The following SHKBP1 variants were observed in gnomAD, a reference collection of about 807,000 sequenced individuals.
The protein encoded by SHKBP1 is SH3KBP1-binding protein 1.
In SHKBP1, 71 loss-of-function variants were observed where a neutral mutation model predicts 83.9. The ratio of observed to expected loss-of-function variants is 0.85; its 90% CI spans 0.70 to 1.03. SHKBP1 has a LOEUF of 1.03. Ranked by LOEUF, SHKBP1 falls within the 50% of genes least tolerant of loss-of-function variation. The probability of loss-of-function intolerance (pLI) is 0.00; values close to 1 mark genes in which losing one functional copy is unlikely to be tolerated. For missense variants in SHKBP1, 824 were observed against 982.4 expected (o/e 0.84, Z 2.16); for synonymous variants, 371 against 398.0 (o/e 0.93, Z 0.81).
At chr19:40,579,341 A>C (rs1229250709) in intron 6 of SHKBP1, among the ~76,000 whole-genome samples, 1 of 152,194 alleles carries the variant, frequency 6.6e-6, no homozygotes, top group African/African-American at 2.4e-5. Flanking sequence ...CAAAGTAAAC[A>C]TGAAAATAAA....
intron 10 of SHKBP1, among the ~76,000 whole-genome samples, chr19:40,582,748 A>G (rs879390759): frequency 6.6e-6 from 1 of 151,796 alleles, no homozygotes; most frequent in African/African-American, 2.4e-5. Flanking sequence ...GTTAGGGGGG[A>G]TGCTGTAGAA....
intron 13 of SHKBP1, among the ~76,000 whole-genome samples, chr19:40,588,393 G>C (rs529395041): frequency 6.6e-6 from 1 of 152,204 alleles, no homozygotes; most frequent in Non-Finnish European, 1.5e-5. Flanking sequence ...GACCAGGACC[G>C]GTGTGGGGCA....
chr19:40,588,805 AC>A, intron 14 of SHKBP1, 26 bp downstream of exon 14: 1 of 1,607,718 alleles, frequency 6.2e-7, no homozygotes. Context: ...TGGCCTTCCC[AC>A]CCCACTGACC....
intron 9 of SHKBP1, among the ~76,000 whole-genome samples, chr19:40,581,484 C>A (rs897611340): frequency 4.0e-5 from 6 of 150,024 alleles, no homozygotes; most frequent in Admixed American, 1.3e-4. Context: ...CACTGCATTC[C>A]AGCCTGAGCG....
At chr19:40,578,309 G>A in intron 5 of SHKBP1, 97 bp downstream of exon 5, 2 of 1,480,154 alleles carry the variant, frequency 1.4e-6, no homozygotes, top group Non-Finnish European at 1.9e-6. Context: ...AAGAGGGCTG[G>A]GGTAGAGGTG....
chr19:40,582,609 T>A (rs550673691), intron 10 of SHKBP1, 143 bp downstream of exon 10: 1 of 669,500 alleles, frequency 1.5e-6, no homozygotes, highest in African/African-American at 1.8e-5. Flanking sequence ...AGCCTGGGGA[T>A]GTCTGTGATA....
At chr19:40,586,989 ATGGGAGTGTG>A in intron 13 of SHKBP1, 45 bp downstream of exon 13, 1 of 1,523,688 alleles carries the variant, frequency 6.6e-7, no homozygotes, top group Non-Finnish European at 8.9e-7. Context: ...GACAGCTCAG[ATGGGAGTGTG>A]GAGACAGGAG....
chr19:40,589,273 G>A, intron 15 of SHKBP1, 95 bp downstream of exon 15: 1 of 1,244,680 alleles, frequency 8.0e-7, no homozygotes, highest in Non-Finnish European at 1.1e-6. Flanking sequence ...AGATCACTGA[G>A]GCCAGAAAGG....
chr19:40,583,278 C>T (rs769490527), intron 10 of SHKBP1, 120 bp from the exon 11 acceptor site: 9 of 744,206 alleles, frequency 1.2e-5, no homozygotes, highest in Admixed American at 2.7e-5. Context: ...GTGGACGGGG[C>T]TGGGGAGCAG....
At position 40,590,664 on chromosome 19, in the gene SHKBP1, A is replaced by G. The variant is rs953585588; in HGVS notation, c.1769-66A>G. ...CCTGACCCTCGGTGCTTGCACTGCA[A>G]TGCAACCCAGGCCCTTGCCCTATGA... On this transcript the variant is annotated intron_variant, in intron 16 of 17. Transcript: ENST00000291842. The surrounding 1 kb of genome is among the most constrained non-coding windows in gnomAD (Gnocchi z 4.6). 1.1e-5 allele frequency: 17 copies of G among 1,509,134 alleles called. No homozygotes were observed. The highest frequency in any genetic ancestry group is 2.8e-5 in the African/African-American group (2 of 71,688). The allele number at this position is 1,509,134 out of a possible 1,614,324, so 93.5% of individuals were successfully genotyped here.
chr19:40,590,283 A>G lies in SHKBP1; in HGVS notation c.1629A>G (p.Thr543=), dbSNP rs396118. 0.51 allele frequency: 814,943 copies of G among 1,604,398 alleles called. 211,162 individuals carry two copies. The highest frequency in any genetic ancestry group is 0.79 in the African/African-American group (58,721 of 74,666). ...SVRSVDGSPT[T]AFTVLECEGS... is the part of the protein sequence containing the mutation. ...GCTCCGTGGACGGCTCACCCACGAC[A>G]GCCTTCACAGTGCTGGAGTGCGAGG... Residue 543 remains threonine (T), a synonymous_variant, in exon 16 of 18, where the codon ACA becomes ACG. Transcript: ENST00000291842. This position sits in a 1 kb window ranked among gnomAD's most constrained non-coding sequence, Gnocchi z 4.6.
At chr19:40,580,147 A>C (rs2081255635) in intron 6 of SHKBP1, 177 bp from the exon 7 acceptor site, 1 of 665,654 alleles carries the variant, frequency 1.5e-6, no homozygotes, top group African/African-American at 1.8e-5. Flanking sequence ...CTGAAAGGGA[A>C]GTAACTTGCT....
chr19:40,581,537 A>C (rs201658614), intron 9 of SHKBP1, among the ~76,000 whole-genome samples: 26 of 150,380 alleles, frequency 1.7e-4, no homozygotes, highest in African/African-American at 2.2e-4. Flanking sequence ...AAAAAAAAAA[A>C]AACAAAAAAA....
rs751960106 is a variant in SHKBP1, at chr19:40,577,435, C to T, written c.180C>T (p.Thr60=). Residue 60 remains threonine (T), a synonymous_variant, in exon 3 of 18, where the codon ACC becomes ACT. Coordinates refer to ENST00000291842, the MANE Select transcript of SHKBP1 (RefSeq NM_138392.4). ...GCATCTCGACGCTGAAAGATGAGAC[C>T]GGAGCAGTGAGTCGGACAAGAACTG... ...SGRISTLKDE[T]GAIFIDRDPT... is the part of the protein sequence containing the mutation. 1.4e-5 allele frequency: 22 copies of T among 1,610,298 alleles called. No homozygotes were observed. The African/African-American group carries it at 1.9e-4, about 14-fold the overall frequency.
intron 9 of SHKBP1, among the ~76,000 whole-genome samples, chr19:40,581,978 T>A (rs2145982785): frequency 6.6e-6 from 1 of 151,754 alleles, no homozygotes; most frequent in Non-Finnish European, 1.5e-5. Flanking sequence ...TGGAGTACAG[T>A]GGTATGATCT....
Position 40,580,856 on chromosome 19 carries a change from A to G in SHKBP1, c.764A>G (p.His255Arg), listed in dbSNP as rs574515196. 3 of 1,613,148 alleles carry G rather than the reference A, an allele frequency of 1.9e-6. No individual in the cohort carries two copies. Among genetic ancestry groups the G allele is most frequent in the Admixed American group, 1.7e-5 (1 of 59,850 alleles). ...ARVHGGALGEHDKMVAAATGS... is the reference protein window; with the variant it reads ...ARVHGGALGERDKMVAAATGS... ...GTGCATGGTGGGGCTTTGGGTGAACATGACAAGATGGTGGCAGCAGCCACC... is the reference window on the plus strand; with the variant it reads ...GTGCATGGTGGGGCTTTGGGTGAACGTGACAAGATGGTGGCAGCAGCCACC... The change falls in exon 9 of 18, where the codon CAT becomes CGT. Residue 255 changes from histidine (H) to arginine (R), a missense_variant. His to Arg is a conservative substitution (Grantham distance 29). Coordinates refer to ENST00000291842, the MANE Select transcript of SHKBP1 (RefSeq NM_138392.4).
chr19:40,577,686 C>A (rs1393440208), intron 4 of SHKBP1, 56 bp downstream of exon 4: 4 of 1,554,210 alleles, frequency 2.6e-6, no homozygotes, highest in Non-Finnish European at 3.6e-6. Flanking sequence ...CTGAGGAGTT[C>A]TTTCACCTCC....
At chr19:40,581,082 G>A (rs1423163313) in intron 9 of SHKBP1, 146 bp downstream of exon 9, 1 of 775,770 alleles carries the variant, frequency 1.3e-6, no homozygotes, top group Non-Finnish European at 1.9e-6. Flanking sequence ...CAGCCCTTCA[G>A]AATTCTGTAT....
intron 3 of SHKBP1, 29 bp downstream of exon 3, chr19:40,577,470 G>T (rs531171460): frequency 1.1e-5 from 17 of 1,611,976 alleles, no homozygotes; most frequent in East Asian, 2.2e-5. Context: ...GAAATGGGAT[G>T]GGGGGGAGGG....
Sources: allele counts gnomAD v4.1 joint callset (sites outside exome capture counted in the v4.1 genomes callset), GRCh38; gene constraint gnomAD v4.1.1; non-coding constraint Gnocchi (gnomAD v3.1); transcripts MANE v1.5; gene names NCBI Gene and HGNC (gene_info 2026-07-23, HGNC 2026-07-21).